CHL1: variants seen among roughly 807,000 people sequenced by gnomAD.
CHL1 encodes neural cell adhesion molecule L1-like protein.
A neutral mutation model predicts 141.9 loss-of-function variants in CHL1; 96 were observed. The observed-to-expected ratio is 0.68, with a 90% CI of 0.57 to 0.80. The LOEUF (loss-of-function observed/expected upper bound fraction) is 0.80. Ranked by LOEUF, CHL1 falls within the 30% of genes least tolerant of loss-of-function variation. The pLI, the probability that CHL1 is intolerant of heterozygous loss-of-function variation, is 0.00. For synonymous variants in CHL1, 613 were observed against 502.2 expected (o/e 1.22, Z -2.95); for missense variants, 1,820 against 1,457.2 (o/e 1.25, Z -4.05).
At chr3:265,616 A>T (rs73815809) in intron 2 of CHL1, among the ~76,000 whole-genome samples, 1,817 of 152,328 alleles carry the variant, frequency 0.012, 34 homozygotes, top group African/African-American at 0.041. Flanking sequence ...ACTGCACCTG[A>T]AATGTTACTA....
chr3:405,442 A>G lies in CHL1; in HGVS notation c.3459-53A>G, dbSNP rs17038738. On this transcript the variant is annotated intron_variant, in intron 27 of 27. Coordinates refer to ENST00000256509, the MANE Select transcript of CHL1 (RefSeq NM_006614.4). ...ATCACTTATGACTGTGTTGCTTTAC[A>G]TGAATATTAATATTAGATTTTGTTG... 6,823 of 1,186,412 alleles carry G rather than the reference A, an allele frequency of 5.8e-3. 398 individuals carry two copies. In the Admixed American group the frequency reaches 0.1, roughly 17 times the overall value. 73.5% of individuals were successfully genotyped at this position (1,186,412 alleles called of 1,614,324 possible). A position where few individuals can be genotyped will look rare whatever the true frequency, so the allele number is the denominator to read the frequency against.
chr3:272,729 C>G (rs899168436), intron 2 of CHL1, among the ~76,000 whole-genome samples: 2 of 152,164 alleles, frequency 1.3e-5, no homozygotes, highest in Admixed American at 1.3e-4. Flanking sequence ...ATTGAAAATT[C>G]CAAAGATGAT....
chr3:285,823 A>G (rs1243408543), intron 2 of CHL1, among the ~76,000 whole-genome samples: 1 of 151,988 alleles, frequency 6.6e-6, no homozygotes, highest in Non-Finnish European at 1.5e-5. Context: ...GCTTTCTATG[A>G]TCACTGCTAA....
rs1351976186 is a variant in CHL1 at position 386,220 on chromosome 3, A to T, written c.2247+2334A>T. 5.3e-5 allele frequency among the ~76,000 whole-genome samples: 8 copies of T among 152,242 alleles called. No individual in the cohort carries two copies. In the East Asian group the frequency reaches 1.5e-3, roughly 29 times the overall value. ...AGGGACATAATTTGAAAAAAAAAAA[A>T]AAAAAGCTGATCTTTCCCAAAAGAA... On this transcript the variant is annotated intron_variant, in intron 19 of 27. Coordinates refer to ENST00000256509, the MANE Select transcript of CHL1 (RefSeq NM_006614.4).
chr3:317,371 G>A (rs1700223702), intron 2 of CHL1, among the ~76,000 whole-genome samples: 1 of 151,924 alleles, frequency 6.6e-6, no homozygotes, highest in Admixed American at 6.6e-5. Context: ...GAAATTGAGA[G>A]TGTTCTCACT....
chr3:367,178 G>C (rs73013183), intron 15 of CHL1, among the ~76,000 whole-genome samples: 3,355 of 152,336 alleles, frequency 0.022, 56 homozygotes, highest in Non-Finnish European at 0.029. Flanking sequence ...TTGAAAATAT[G>C]AGAAAGTCAG....
intron 9 of CHL1, among the ~76,000 whole-genome samples, chr3:348,541 G>A (rs1332029398): frequency 1.3e-5 from 2 of 152,124 alleles, no homozygotes; most frequent in Non-Finnish European, 2.9e-5. Flanking sequence ...TTTTCATGAG[G>A]AGGGGTTTTT....
At chr3:208,418 AGT>A (rs1699624725) in intron 1 of CHL1, among the ~76,000 whole-genome samples, 1 of 151,434 alleles carries the variant, frequency 6.6e-6, no homozygotes, top group Non-Finnish European at 1.5e-5. Context: ...GACAGAAAGG[AGT>A]GTGTCATCAT....
At position 205,088 on chromosome 3, in the gene CHL1, T is replaced by TTTTC. The variant is rs568111021; in HGVS notation, c.-175+8041_-175+8044dup. 2.3e-3 allele frequency among the ~76,000 whole-genome samples: 306 copies of TTTTC among 134,142 alleles called. 43 individuals are homozygous for TTTTC. Among genetic ancestry groups the TTTTC allele is most frequent in the Middle Eastern group, 4.1e-3 (1 of 244 alleles). The allele number at this position is 134,142 out of a possible 152,430, so 88.0% of individuals were successfully genotyped here. On this transcript the variant is annotated intron_variant, in intron 1 of 27. Transcript: ENST00000256509. ...ATTGCTTTCAGGTTTTCTTTTTCCT[T>TTTTC]TTTCTTTCTTTCTTTCTTTTTTTTT...
Position 390,976 on chromosome 3 carries a change from A to G in CHL1, c.2608A>G (p.Ser870Gly). Residue 870 changes from serine to glycine, a missense_variant, in exon 22 of 28, where the codon AGT becomes GGT. By Grantham distance (56) the Ser-to-Gly change is moderately conservative. Transcript: ENST00000256509. ...GYQINWWKTK[S>G]LLDGRTHPKE... is the part of the protein sequence containing the mutation. Reference sequence around the variant, plus strand: ...GCAGATAAATTGGTGGAAAACAAAAAGTCTGTTGGATGGAAGAACACATCC... The same window carrying G: ...GCAGATAAATTGGTGGAAAACAAAAGGTCTGTTGGATGGAAGAACACATCC... 1 of 1,614,074 alleles carries G rather than the reference A, an allele frequency of 6.2e-7. No homozygotes were observed. The highest frequency in any genetic ancestry group is 8.5e-7 in the Non-Finnish European group (1 of 1,179,926).
chr3:305,538 G>A (rs1216850655), intron 2 of CHL1, among the ~76,000 whole-genome samples: 1 of 151,808 alleles, frequency 6.6e-6, no homozygotes, highest in East Asian at 1.9e-4. Flanking sequence ...AATTTCGAGT[G>A]CCTAGTAACT....
At chr3:242,637 G>A (rs1692767933) in intron 1 of CHL1, among the ~76,000 whole-genome samples, 1 of 151,162 alleles carries the variant, frequency 6.6e-6, no homozygotes, top group Non-Finnish European at 1.5e-5. Context: ...ATAATACAGA[G>A]ATAATTCTTC....
chr3:264,338 A>T (rs756136525), intron 2 of CHL1, among the ~76,000 whole-genome samples: 6 of 152,198 alleles, frequency 3.9e-5, no homozygotes, highest in Non-Finnish European at 7.4e-5. Flanking sequence ...TCTATTCTGT[A>T]TTCCAGTAGA....
intron 2 of CHL1, among the ~76,000 whole-genome samples, chr3:312,450 A>G (rs1205356178): frequency 6.6e-6 from 1 of 152,224 alleles, no homozygotes; most frequent in African/African-American, 2.4e-5. Flanking sequence ...ACACTTGTAA[A>G]TTGATTTATG....
Position 345,983 on chromosome 3 carries a change from G to A in CHL1, c.848+1274G>A, listed in dbSNP as rs145178561. 4.6e-3 allele frequency among the ~76,000 whole-genome samples: 701 copies of A among 152,228 alleles called. 2 individuals are homozygous for A. Among genetic ancestry groups the A allele is most frequent in the Non-Finnish European group, 8.0e-3 (544 of 68,014 alleles). ...CCTTCCCTACCATTGAGGATACCTT[G>A]GGAAAATGCATTCCAGCTTCCTAGC... is the stretch of plus-strand genomic sequence containing the variant. On this transcript the variant is annotated intron_variant, in intron 9 of 27. Coordinates refer to ENST00000256509, the MANE Select transcript of CHL1 (RefSeq NM_006614.4).
intron 16 of CHL1, among the ~76,000 whole-genome samples, chr3:380,979 A>G (rs1706959389): frequency 6.6e-6 from 1 of 152,190 alleles, no homozygotes; most frequent in Non-Finnish European, 1.5e-5. Context: ...GGACAAACAG[A>G]AATGATTCAT....
At chr3:348,853 CA>C (rs1284759960) in intron 9 of CHL1, among the ~76,000 whole-genome samples, 3 of 152,204 alleles carry the variant, frequency 2.0e-5, no homozygotes, top group Non-Finnish European at 2.9e-5. Context: ...GTCCAGCTTT[CA>C]CGCAGGAGCC....
chr3:232,558 C>G (rs1300207818), intron 1 of CHL1, among the ~76,000 whole-genome samples: 1 of 152,068 alleles, frequency 6.6e-6, no homozygotes, highest in Non-Finnish European at 1.5e-5. Flanking sequence ...TGCTGATTAG[C>G]TATTTATTTT....
chr3:355,864 A>C (rs1339462890), intron 11 of CHL1, among the ~76,000 whole-genome samples: 1 of 152,208 alleles, frequency 6.6e-6, no homozygotes, highest in Non-Finnish European at 1.5e-5. Context: ...CTGGGTTTGC[A>C]TACTGACTCT....
Sources: gnomAD v4.1 joint callset for allele counts (sites outside exome capture counted in the v4.1 genomes callset) on GRCh38, gnomAD v4.1.1 for gene constraint, MANE v1.5 for transcripts, NCBI Gene and HGNC (gene_info 2026-07-23, HGNC 2026-07-21) for gene names.